The following CCDC30 variants were observed in gnomAD, a reference collection of about 807,000 sequenced individuals.
CCDC30 encodes coiled-coil domain-containing protein 30.
In CCDC30, 70 loss-of-function variants were observed where a neutral mutation model predicts 100.2. That is an observed-to-expected ratio of 0.70 (90% confidence interval 0.58 to 0.85). The LOEUF is 0.85. Ranked by LOEUF, CCDC30 falls within the 40% of genes least tolerant of loss-of-function variation. CCDC30 has a pLI of 0.00. For missense variants in CCDC30, 652 were observed against 771.2 expected (o/e 0.85, Z 1.83); for synonymous variants, 233 against 269.5 (o/e 0.86, Z 1.33).
intron 6 of CCDC30, among the ~76,000 whole-genome samples, chr1:42,562,119 T>C (rs944582782): frequency 3.9e-4 from 59 of 152,330 alleles, no homozygotes; most frequent in African/African-American, 1.3e-3. Flanking sequence ...AAATTTCATA[T>C]GGAATCAAAG....
intron 1 of CCDC30, among the ~76,000 whole-genome samples, chr1:42,469,243 A>G (rs372060895): frequency 6.6e-6 from 1 of 152,186 alleles, no homozygotes; most frequent in African/African-American, 2.4e-5. Flanking sequence ...TAAGATGGGC[A>G]TGTTGGCACA....
chr1:42,638,471 T>C (rs1647202125), intron 12 of CCDC30, among the ~76,000 whole-genome samples: 1 of 151,270 alleles, frequency 6.6e-6, no homozygotes, highest in Non-Finnish European at 1.5e-5. Context: ...TTCAAACTTT[T>C]AGAGACTGAG....
chr1:42,572,094 A>G (rs955217942), intron 7 of CCDC30, among the ~76,000 whole-genome samples: 3 of 152,220 alleles, frequency 2.0e-5, no homozygotes, highest in Admixed American at 6.5e-5. Context: ...ATCATAGAAT[A>G]TGTATTACTT....
At chr1:42,529,058 G>A (rs894189602) in intron 6 of CCDC30, among the ~76,000 whole-genome samples, 6 of 152,092 alleles carry the variant, frequency 3.9e-5, no homozygotes, top group African/African-American at 1.5e-4. Flanking sequence ...AGAAAATAAA[G>A]CTTTATATTG....
At chr1:42,555,361 A>T (rs1366090864) in intron 6 of CCDC30, among the ~76,000 whole-genome samples, 1 of 152,086 alleles carries the variant, frequency 6.6e-6, no homozygotes, top group Non-Finnish European at 1.5e-5. Flanking sequence ...CTCCCTTTAC[A>T]TTTGTTTAGC....
chr1:42,555,212 C>T (rs570012306), intron 6 of CCDC30, among the ~76,000 whole-genome samples: 9 of 152,206 alleles, frequency 5.9e-5, no homozygotes, highest in Non-Finnish European at 1.0e-4. Context: ...AAAGCACCTT[C>T]TCTCTTTTGC....
chr1:42,472,090 C>T (rs1557788991), intron 1 of CCDC30, among the ~76,000 whole-genome samples: 2 of 152,026 alleles, frequency 1.3e-5, no homozygotes. Context: ...CTCGTCTCTA[C>T]TAAAAATACA....
upstream of CCDC30, among the ~76,000 whole-genome samples, chr1:42,462,487 C>G (rs1643438387): frequency 6.6e-6 from 1 of 152,044 alleles, no homozygotes; most frequent in Non-Finnish European, 1.5e-5. Flanking sequence ...GAGTAAAATA[C>G]GTCCGGATAA....
chr1:42,653,758 C>T (rs115920506), intron 16 of CCDC30, 60 bp from the exon 21 acceptor site: 3 of 1,304,570 alleles, frequency 2.3e-6, no homozygotes, highest in Non-Finnish European at 3.3e-6. Flanking sequence ...ATCCCTGTAA[C>T]CCCGAACTGC....
At chr1:42,510,111 G>C in intron 6 of CCDC30, 2 of 985,384 alleles carry the variant, frequency 2.0e-6, no homozygotes, top group Non-Finnish European at 2.4e-6. Context: ...GGAAGAACCA[G>C]GGCATCTGGA....
intron 11 of CCDC30, among the ~76,000 whole-genome samples, chr1:42,621,655 G>A (rs1469568798): frequency 6.6e-6 from 1 of 152,086 alleles, no homozygotes; most frequent in Non-Finnish European, 1.5e-5. Flanking sequence ...AGGACTACAG[G>A]CGCCTGCCAC....
At chr1:42,573,261 A>G (rs1461570420) in intron 7 of CCDC30, among the ~76,000 whole-genome samples, 2 of 152,156 alleles carry the variant, frequency 1.3e-5, no homozygotes, top group African/African-American at 4.8e-5. Context: ...GCAATATTGA[A>G]TCCTCTAATT....
intron 11 of CCDC30, among the ~76,000 whole-genome samples, chr1:42,633,307 T>G (rs1202662265): frequency 6.6e-6 from 1 of 152,192 alleles, no homozygotes; most frequent in Non-Finnish European, 1.5e-5. Flanking sequence ...TTCACATAGC[T>G]CAGACTGCTC....
At chr1:42,589,235 A>C in intron 9 of CCDC30, 86 bp from the exon 14 acceptor site, 1 of 1,113,444 alleles carries the variant, frequency 9.0e-7, no homozygotes, top group Non-Finnish European at 1.3e-6. Flanking sequence ...AAAAAAAAAA[A>C]AATCCCTTGT....
At chr1:42,519,810 C>T (rs1188524256) in intron 6 of CCDC30, among the ~76,000 whole-genome samples, 1 of 152,156 alleles carries the variant, frequency 6.6e-6, no homozygotes, top group Non-Finnish European at 1.5e-5. Context: ...ACCTCAGCCT[C>T]CCAAAGTGCT....
intron 6 of CCDC30, chr1:42,542,706 G>A (rs1268024718): frequency 1.5e-5 from 2 of 137,856 alleles, no homozygotes; most frequent in African/African-American, 5.2e-5. Context: ...GCCCGCCACC[G>A]CGCCCGGCTA....
intron 4 of CCDC30, among the ~76,000 whole-genome samples, chr1:42,496,126 T>A (rs1268132745): frequency 6.9e-5 from 1 of 14,572 alleles, no homozygotes; most frequent in Admixed American, 1.5e-3. Flanking sequence ...TTGTGGAGTG[T>A]GTGTGTGTGT....
chr1:42,489,521 T>C (rs148210602), intron 3 of CCDC30, among the ~76,000 whole-genome samples: 2,292 of 152,330 alleles, frequency 0.015, 27 homozygotes, highest in South Asian at 0.057. Context: ...TGACCTGTTA[T>C]AAAATTCATG....
At chr1:42,622,182 A>G (rs1012280047) in intron 11 of CCDC30, among the ~76,000 whole-genome samples, 37 of 152,352 alleles carry the variant, frequency 2.4e-4, no homozygotes, top group Non-Finnish European at 4.3e-4. Flanking sequence ...AAATGAGAAC[A>G]TATGATGTTT....
Sources: allele counts gnomAD v4.1 joint callset (sites outside exome capture counted in the v4.1 genomes callset), GRCh38; gene constraint gnomAD v4.1.1; transcripts MANE v1.5; gene names NCBI Gene and HGNC (gene_info 2026-07-23, HGNC 2026-07-21).